Variants in RERE observed in about 807,000 individuals in gnomAD.
The protein encoded by RERE is arginine-glutamic acid dipeptide repeats protein.
Under a neutral mutation model 146.1 loss-of-function variants are expected in RERE, and 40 were observed. The ratio of observed to expected loss-of-function variants is 0.27; its 90% CI spans 0.21 to 0.36. The LOEUF (loss-of-function observed/expected upper bound fraction) is 0.36, where lower values mean the gene tolerates loss of function less well. RERE is among the 10% of genes least tolerant of loss of function. The probability of loss-of-function intolerance (pLI) is 1.00; values close to 1 mark genes in which losing one functional copy is unlikely to be tolerated. For synonymous variants in RERE, 1,003 were observed against 866.0 expected, an observed-to-expected ratio of 1.16 and a Z score of -2.78; for missense variants, 1,933 against 2,138.7, an observed-to-expected ratio of 0.90 and a Z score of 1.90.
intron 1 of RERE, among the ~76,000 whole-genome samples, chr1:8,774,287 C>A (rs1317680566): frequency 6.6e-6 from 1 of 150,918 alleles, no homozygotes; most frequent in African/African-American, 2.4e-5. Context: ...CTTCTACTTT[C>A]TCTGGTTTAT....
At chr1:8,807,393 C>T (rs1641711860) in intron 1 of RERE, among the ~76,000 whole-genome samples, 1 of 152,104 alleles carries the variant, frequency 6.6e-6, no homozygotes, top group Non-Finnish European at 1.5e-5. Context: ...GTTCCGCCGC[C>T]CCCCACCCAG....
At chr1:8,809,255 G>T (rs906535056) in intron 1 of RERE, among the ~76,000 whole-genome samples, 2 of 151,692 alleles carry the variant, frequency 1.3e-5, no homozygotes, top group African/African-American at 4.8e-5. Flanking sequence ...ATACAGTAAG[G>T]TAGTATTTGT....
chr1:8,650,173 G>C (rs1372178768), intron 2 of RERE, among the ~76,000 whole-genome samples: 1 of 152,148 alleles, frequency 6.6e-6, no homozygotes, highest in Non-Finnish European at 1.5e-5. Flanking sequence ...TTGTGACAAC[G>C]CATGAGATTA....
intron 8 of RERE, among the ~76,000 whole-genome samples, chr1:8,503,522 CA>C (rs140944618): frequency 0.098 from 14,904 of 152,114 alleles, 1,067 homozygotes; most frequent in Non-Finnish European, 0.14. Flanking sequence ...TACATTCATA[CA>C]TGGAGTTCTA....
intron 10 of RERE, among the ~76,000 whole-genome samples, chr1:8,468,490 T>C (rs1001392340): frequency 5.9e-5 from 9 of 152,204 alleles, no homozygotes; most frequent in South Asian, 4.1e-4. Flanking sequence ...TAGTGATAAT[T>C]TGAAATCAAA....
intron 6 of RERE, among the ~76,000 whole-genome samples, chr1:8,545,364 C>T (rs1570418227): frequency 6.6e-6 from 1 of 152,088 alleles, no homozygotes. Flanking sequence ...GGGCATCATC[C>T]GAAGGGTCTT....
chr1:8,636,148 C>T (rs1048219413), intron 2 of RERE, among the ~76,000 whole-genome samples: 2 of 152,140 alleles, frequency 1.3e-5, no homozygotes, highest in African/African-American at 4.8e-5. Flanking sequence ...ACCACAACAC[C>T]CGGCTAATTT....
chr1:8,546,819 G>T (rs1169290678), intron 6 of RERE, among the ~76,000 whole-genome samples: 1 of 151,376 alleles, frequency 6.6e-6, no homozygotes, highest in Non-Finnish European at 1.5e-5. Flanking sequence ...CTACAAGGAT[G>T]GGCGACAGAG....
intron 11 of RERE, among the ~76,000 whole-genome samples, chr1:8,463,727 G>C (rs1323827074): frequency 1.3e-5 from 2 of 152,222 alleles, no homozygotes; most frequent in Non-Finnish European, 1.5e-5. Context: ...ACCAAGAAGA[G>C]GCAGGGAAGT....
intron 1 of RERE, among the ~76,000 whole-genome samples, chr1:8,662,749 A>G (rs1232480267): frequency 6.6e-6 from 1 of 152,168 alleles, no homozygotes; most frequent in African/African-American, 2.4e-5. Flanking sequence ...AGCTTAAGGA[A>G]GGGGCCCAGG....
At chr1:8,619,047 AAAC>A (rs1646887966) in intron 3 of RERE, among the ~76,000 whole-genome samples, 1 of 152,350 alleles carries the variant, frequency 6.6e-6, no homozygotes, top group South Asian at 2.1e-4. Context: ...TTTGACAATG[AAAC>A]AACGAGAGGG....
In RERE at chr1:8,379,239, C is replaced by T. The variant is rs553970252; in HGVS notation, c.1285-13265G>A. Among the ~76,000 whole-genome samples, 376 of 152,248 alleles carry T rather than the reference C, an allele frequency of 2.5e-3. 2 individuals are homozygous for T. Among genetic ancestry groups the T allele is most frequent in the Non-Finnish European group, 3.6e-3 (247 of 68,006 alleles). On this transcript the variant is annotated intron_variant, in intron 12 of 22. Coordinates refer to ENST00000400908, the MANE Select transcript of RERE (RefSeq NM_001042681.2). Reference sequence around the variant, plus strand: ...AGAGTCTCTGTGGGCCTGTTTCTGACCACTTAATTCTGGTCAGTTTCCACA... The same window carrying T: ...AGAGTCTCTGTGGGCCTGTTTCTGATCACTTAATTCTGGTCAGTTTCCACA...
At chr1:8,385,165 A>G (rs545117773) in intron 12 of RERE, among the ~76,000 whole-genome samples, 8 of 152,364 alleles carry the variant, frequency 5.3e-5, no homozygotes, top group Non-Finnish European at 1.2e-4. Flanking sequence ...GAATTATTCT[A>G]ATTGTATCTT....
At position 8,701,835 on chromosome 1, in the gene RERE, T is replaced by C. The variant is rs569694096; in HGVS notation, c.-144-45394A>G. Reference sequence around the variant, plus strand: ...GCTCAACTCTGCTGCCCCCACACTATTGTGAAGCTGCTGTTAAGCATCTAA... The same window carrying C: ...GCTCAACTCTGCTGCCCCCACACTACTGTGAAGCTGCTGTTAAGCATCTAA... On this transcript the variant is annotated intron_variant, in intron 1 of 22. Coordinates refer to ENST00000400908, the MANE Select transcript of RERE (RefSeq NM_001042681.2). Among the ~76,000 whole-genome samples the C allele has an allele frequency of 2.6e-3, 398 of 152,184 alleles. 2 individuals are homozygous for C. Among genetic ancestry groups the C allele is most frequent in the African/African-American group, 9.1e-3 (376 of 41,516 alleles).
intron 4 of RERE, among the ~76,000 whole-genome samples, chr1:8,560,003 T>G (rs1646059196): frequency 6.6e-6 from 1 of 152,084 alleles, no homozygotes; most frequent in Admixed American, 6.5e-5. Context: ...AGAGGAAAAA[T>G]TATATTTTGT....
chr1:8,701,993 C>T (rs1639461861), intron 1 of RERE, among the ~76,000 whole-genome samples: 1 of 151,510 alleles, frequency 6.6e-6, no homozygotes, highest in African/African-American at 2.4e-5. Flanking sequence ...CACAGATCAA[C>T]GTGCTTACAT....
At chr1:8,637,166 T>C (rs1168383159) in intron 2 of RERE, among the ~76,000 whole-genome samples, 1 of 152,134 alleles carries the variant, frequency 6.6e-6, no homozygotes. Flanking sequence ...ATTCAACTAT[T>C]ACCTTCTCCT....
chr1:8,360,156 C>T lies in RERE; in HGVS notation c.3351G>A (p.Glu1117=), dbSNP rs779684293. Residue 1117 remains glutamate (E), a synonymous_variant, in exon 18 of 23, where the codon GAG becomes GAA. Transcript: ENST00000400908. ...PPPPPRSPSP[E]PTVVDTPSHA... ...GACTGGGGGTGTCCACCACAGTGGG[C>T]TCCGGGGACGGGCTCCTTGGTGGGG... is the stretch of plus-strand genomic sequence containing the variant. 19 of 1,597,248 alleles carry T rather than the reference C, an allele frequency of 1.2e-5. No individual in the cohort carries two copies. The highest frequency in any genetic ancestry group is 1.5e-5 in the Non-Finnish European group (18 of 1,172,050).
At chr1:8,758,509 A>G (rs1364668607) in intron 1 of RERE, among the ~76,000 whole-genome samples, 3 of 151,466 alleles carry the variant, frequency 2.0e-5, no homozygotes, top group Non-Finnish European at 4.4e-5. Context: ...CTCCTGCCTC[A>G]GCCTCCTAAG....
Sources: gnomAD v4.1 joint callset for allele counts (sites outside exome capture counted in the v4.1 genomes callset) on GRCh38, gnomAD v4.1.1 for gene constraint, MANE v1.5 for transcripts, NCBI Gene and HGNC (gene_info 2026-07-23, HGNC 2026-07-21) for gene names.